Variants in USP45 observed in about 807,000 individuals in gnomAD.
USP45 encodes the protein ubiquitin specific peptidase 45, also known as ubiquitin carboxyl-terminal hydrolase 45.
USP45 carries 89 observed loss-of-function variants against 95.8 expected under a neutral mutation model. That is an observed-to-expected ratio of 0.93 (90% confidence interval 0.78 to 1.11). The LOEUF (loss-of-function observed/expected upper bound fraction) is 1.11. Ranked by LOEUF, USP45 falls within the 50% of genes least tolerant of loss-of-function variation. The pLI is 0.00. For missense variants in USP45, 898 were observed against 942.5 expected (o/e 0.95, Z 0.62); for synonymous variants, 281 against 316.2 (o/e 0.89, Z 1.18).
chr6:99,457,816 G>A (rs1158894975), intron 13 of USP45, among the ~76,000 whole-genome samples: 1 of 152,188 alleles, frequency 6.6e-6, no homozygotes, highest in African/African-American at 2.4e-5. Context: ...GGTTGGGTAT[G>A]AGAATTCGTT....
intron 8 of USP45, chr6:99,482,492 T>G: frequency 2.8e-6 from 1 of 362,380 alleles, no homozygotes. Context: ...CAGATCTCCA[T>G]TTGATTCTCA....
At chr6:99,507,627 T>C (rs1321606736) in intron 3 of USP45, 96 bp from the exon 4 acceptor site, 3 of 790,302 alleles carry the variant, frequency 3.8e-6, no homozygotes, top group Non-Finnish European at 6.0e-6. Flanking sequence ...CTGAAAAGTT[T>C]TGTTTTTAAT....
intron 5 of USP45, among the ~76,000 whole-genome samples, chr6:99,497,613 A>G (rs1007895992): frequency 1.3e-5 from 2 of 152,208 alleles, no homozygotes; most frequent in African/African-American, 4.8e-5. Flanking sequence ...AACATAATAA[A>G]TGGGCAGTTA....
intron 9 of USP45, among the ~76,000 whole-genome samples, chr6:99,474,796 G>A (rs1031240552): frequency 6.6e-6 from 1 of 152,204 alleles, no homozygotes; most frequent in African/African-American, 2.4e-5. Context: ...AATGTGTGCT[G>A]TGTATCTGAT....
intron 13 of USP45, chr6:99,462,425 A>G: frequency 4.1e-6 from 4 of 983,860 alleles, no homozygotes; most frequent in Non-Finnish European, 4.8e-6. Flanking sequence ...TCTTTAAACT[A>G]AATAAAAATA....
At chr6:99,503,474 G>A (rs992821114) in intron 5 of USP45, among the ~76,000 whole-genome samples, 2 of 151,468 alleles carry the variant, frequency 1.3e-5, no homozygotes, top group African/African-American at 4.8e-5. Flanking sequence ...TGGGATTACA[G>A]GCATGTGCTA....
intron 1 of USP45, among the ~76,000 whole-genome samples, chr6:99,511,044 A>G (rs1583494846): frequency 6.6e-6 from 1 of 152,326 alleles, no homozygotes; most frequent in Non-Finnish European, 1.5e-5. Flanking sequence ...TTAAATTTCT[A>G]TCTTTTTAAG....
chr6:99,507,560 T>A, intron 3 of USP45, 29 bp from the exon 4 acceptor site: 1 of 1,396,654 alleles, frequency 7.2e-7, no homozygotes, highest in Non-Finnish European at 1.0e-6. Flanking sequence ...TTATTTTGTA[T>A]GACTTACAAA....
intron 4 of USP45, among the ~76,000 whole-genome samples, chr6:99,505,765 G>A (rs974431386): frequency 1.3e-5 from 2 of 152,004 alleles, no homozygotes; most frequent in Non-Finnish European, 2.9e-5. Flanking sequence ...AGCAGCACTG[G>A]CAACACTTGG....
Position 99,446,372 on chromosome 6 carries a change from C to T in USP45, c.1400G>A (p.Gly467Glu), listed in dbSNP as rs1172726248. The change falls in exon 14 of 18, where the codon GGG becomes GAG. Residue 467 changes from glycine to glutamate, a missense_variant. Transcript: ENST00000500704. Reference protein sequence around the residue: ...YQKNENLEMNGDSLMFASLMN... With the variant: ...YQKNENLEMNEDSLMFASLMN... Reference sequence around the variant, plus strand: ...GAGGCTGGCAAACATTAAAGAATCCCCATTCATTTCAAGGTTTTCATTTTT... The same window carrying T: ...GAGGCTGGCAAACATTAAAGAATCCTCATTCATTTCAAGGTTTTCATTTTT... 2.5e-6 allele frequency: 4 copies of T among 1,613,986 alleles called. No homozygotes were observed. Among genetic ancestry groups the T allele is most frequent in the Non-Finnish European group, 3.4e-6 (4 of 1,180,028 alleles).
chr6:99,514,810 C>CT (rs1800765736), intron 1 of USP45: 1 of 152,202 alleles, frequency 6.6e-6, no homozygotes, highest in African/African-American at 2.4e-5. Flanking sequence ...ACGCTCAGTT[C>CT]TAAGCACTTC....
At chr6:99,452,362 A>G (rs1033491127) in intron 13 of USP45, among the ~76,000 whole-genome samples, 3 of 152,182 alleles carry the variant, frequency 2.0e-5, no homozygotes, top group Non-Finnish European at 2.9e-5. Flanking sequence ...AAAAGTGGGC[A>G]AAGGATATGA....
intron 13 of USP45, among the ~76,000 whole-genome samples, chr6:99,452,225 C>T (rs1377184218): frequency 6.6e-6 from 1 of 152,090 alleles, no homozygotes; most frequent in Non-Finnish European, 1.5e-5. Context: ...AAAGAAACTA[C>T]CATCAGAGTG....
Position 99,446,125 on chromosome 6 carries a change from G to A in USP45, c.1647C>T (p.Asp549=). Residue 549 remains aspartate (D), a synonymous_variant, in exon 14 of 18, where the codon GAC becomes GAT. Transcript: ENST00000500704. The part of the protein sequence containing the change: ...AGKLLYTKET[D]SGDKEMAEAI... ...CTTCTGCCATTTCCTTATCACCACT[G>A]TCAGTCTCCTTGGTGTACAGCAGTT... The A allele has an allele frequency of 6.2e-7, 1 of 1,614,080 alleles. No individual in the cohort carries two copies. The highest frequency in any genetic ancestry group is 1.3e-5 in the African/African-American group (1 of 75,038).
intron 13 of USP45, among the ~76,000 whole-genome samples, chr6:99,448,036 T>C (rs1782937280): frequency 6.6e-6 from 1 of 152,130 alleles, no homozygotes; most frequent in African/African-American, 2.4e-5. Context: ...CAAAACCCCA[T>C]CTGTCAGTCA....
At chr6:99,443,272 G>C (rs981727784) in intron 15 of USP45, among the ~76,000 whole-genome samples, 2 of 152,116 alleles carry the variant, frequency 1.3e-5, no homozygotes, top group Non-Finnish European at 2.9e-5. Flanking sequence ...GCCTCCCAAA[G>C]GCCGAGGGAG....
In USP45 at chr6:99,433,598, C is replaced by T. The variant is rs150141855; in HGVS notation, c.*2118G>A. 9.6e-4 allele frequency: 146 copies of T among 152,234 alleles called. No homozygotes were observed. The highest frequency in any genetic ancestry group is 3.3e-3 in the African/African-American group (139 of 41,550). The allele number at this position is 152,234 out of a possible 1,614,324, so 9.4% of individuals were successfully genotyped here. A position where few individuals can be genotyped will look rare whatever the true frequency, so the allele number is the denominator to read the frequency against. On this transcript the variant is annotated 3_prime_UTR_variant, in exon 18 of 18. Transcript: ENST00000500704. ...TTTCAGAAGACAAGGAAAAAGCACT[C>T]ATAAACTCTAGGCCATAAAAAAATA...
rs1443351372 is a variant in USP45 at position 99,468,621 on chromosome 6, G to A, written c.934-3C>T. On this transcript the variant is annotated splice_polypyrimidine_tract_variant and splice_region_variant and intron_variant, in intron 9 of 17. Coordinates refer to ENST00000500704, the MANE Select transcript of USP45 (RefSeq NM_001346022.3). ...TTTAGAATGCTAGCTTGTATTCGCTGTAAAACAAAGTTAATAGATTCTGGT... is the reference window on the plus strand; with the variant it reads ...TTTAGAATGCTAGCTTGTATTCGCTATAAAACAAAGTTAATAGATTCTGGT... 5 of 1,585,964 alleles carry A rather than the reference G, an allele frequency of 3.2e-6. No homozygotes were observed. The highest frequency in any genetic ancestry group is 2.7e-5 in the African/African-American group (2 of 74,336).
rs376989565 is a variant in USP45 at position 99,453,170 on chromosome 6, AAAG to A, written c.1309-6710_1309-6708del. 7.1e-4 allele frequency among the ~76,000 whole-genome samples: 35 copies of A among 49,626 alleles called. No homozygotes were observed. In the South Asian group the frequency reaches 0.019, roughly 27 times the overall value. The allele number at this position is 49,626 out of a possible 152,430, so 32.6% of individuals were successfully genotyped here. ...GTGCACATGTACCCTAGAACTTAAA[AAAG>A]AAAAAAAAAAAAACATAAAAGGCAT... On this transcript the variant is annotated intron_variant, in intron 13 of 17. Transcript: ENST00000500704.
Sources: gnomAD v4.1 joint callset for allele counts (sites outside exome capture counted in the v4.1 genomes callset) on GRCh38, gnomAD v4.1.1 for gene constraint, MANE v1.5 for transcripts, NCBI Gene and HGNC (gene_info 2026-07-23, HGNC 2026-07-21) for gene names.